EHBP1: variants seen among roughly 807,000 people sequenced by gnomAD.
EHBP1 encodes EH domain binding protein 1.
Under a neutral mutation model 144.0 loss-of-function variants are expected in EHBP1, and 55 were observed. The ratio of observed to expected loss-of-function variants is 0.38; its 90% CI spans 0.31 to 0.48. EHBP1 has a LOEUF of 0.48. Among genes scored for constraint, EHBP1 ranks in the 20% least tolerant of loss-of-function variants. The pLI, the probability that EHBP1 is intolerant of heterozygous loss-of-function variation, is 0.98. For synonymous variants in EHBP1, 469 were observed against 472.7 expected (o/e 0.99, Z 0.10); for missense variants, 1,200 against 1,364.2 (o/e 0.88, Z 1.90).
chr2:62,871,010 A>G (rs1004666360), intron 9 of EHBP1, among the ~76,000 whole-genome samples: 2 of 152,122 alleles, frequency 1.3e-5, no homozygotes, highest in South Asian at 2.1e-4. Flanking sequence ...ATTAATAACT[A>G]TATGGGGGGT....
intron 5 of EHBP1, among the ~76,000 whole-genome samples, chr2:62,776,778 C>T (rs1229089228): frequency 2.0e-5 from 3 of 151,924 alleles, no homozygotes; most frequent in African/African-American, 7.3e-5. Flanking sequence ...TACTATAAAA[C>T]ACTATGTTTC....
At chr2:62,900,848 C>G (rs1472182536) in intron 10 of EHBP1, among the ~76,000 whole-genome samples, 1 of 152,002 alleles carries the variant, frequency 6.6e-6, no homozygotes, top group East Asian at 1.9e-4. Context: ...AAACTATGCA[C>G]TGAAATATCT....
chr2:62,884,551 T>C (rs1424378830), intron 10 of EHBP1, among the ~76,000 whole-genome samples: 1 of 152,194 alleles, frequency 6.6e-6, no homozygotes, highest in African/African-American at 2.4e-5. Flanking sequence ...TCCATGCTCA[T>C]TCATTTTATA....
At chr2:62,717,673 G>A (rs1018940899) in intron 2 of EHBP1, among the ~76,000 whole-genome samples, 3 of 151,790 alleles carry the variant, frequency 2.0e-5, no homozygotes, top group South Asian at 2.1e-4. Context: ...TTATTAATCC[G>A]GGTATTGTTA....
chr2:63,016,128 AAATTTTCTACAAAGTG>A (rs750802507), intron 19 of EHBP1, among the ~76,000 whole-genome samples: 2 of 152,198 alleles, frequency 1.3e-5, no homozygotes, highest in Non-Finnish European at 2.9e-5. Context: ...TTATATCTGA[AAATTTTCTACAAAGTG>A]AATTTTTAAC....
At chr2:62,930,470 T>C (rs1052136198) in intron 10 of EHBP1, among the ~76,000 whole-genome samples, 1 of 152,160 alleles carries the variant, frequency 6.6e-6, no homozygotes, top group East Asian at 1.9e-4. Flanking sequence ...TATCTAAAGA[T>C]TTAATGCAAT....
chr2:62,857,233 A>G (rs959077738), intron 7 of EHBP1, among the ~76,000 whole-genome samples: 1 of 152,180 alleles, frequency 6.6e-6, no homozygotes, highest in Non-Finnish European at 1.5e-5. Flanking sequence ...AGAAAATGCA[A>G]TATCTGGGAA....
chr2:62,935,856 ATTATT>A (rs1430089443), intron 10 of EHBP1, among the ~76,000 whole-genome samples: 5 of 152,126 alleles, frequency 3.3e-5, no homozygotes, highest in Non-Finnish European at 5.9e-5. Flanking sequence ...ATAAATGGAC[ATTATT>A]TTATTAAGTG....
chr2:63,023,666 C>G (rs1442380933), intron 19 of EHBP1, among the ~76,000 whole-genome samples: 10 of 152,144 alleles, frequency 6.6e-5, no homozygotes, highest in Non-Finnish European at 1.3e-4. Context: ...GTGGCCAAAA[C>G]TAGGAATTGT....
chr2:62,880,067 C>T (rs528663028), intron 10 of EHBP1, among the ~76,000 whole-genome samples: 3 of 152,214 alleles, frequency 2.0e-5, no homozygotes, highest in South Asian at 2.1e-4. Flanking sequence ...CACACAACTA[C>T]GACCATCTGA....
intron 14 of EHBP1, among the ~76,000 whole-genome samples, chr2:62,964,190 G>A (rs76814034): frequency 7.2e-5 from 11 of 151,806 alleles, no homozygotes; most frequent in Admixed American, 2.6e-4. Context: ...TTGTTGTGGA[G>A]GAAAAAAAAA....
At chr2:62,782,908 C>CT (rs58651462) in intron 5 of EHBP1, among the ~76,000 whole-genome samples, 9,964 of 152,188 alleles carry the variant, frequency 0.065, 541 homozygotes, top group East Asian at 0.27. Context: ...AACCAAAAGT[C>CT]TAAGTCCAAA....
chr2:62,763,696 AC>A (rs1469154529), intron 3 of EHBP1, among the ~76,000 whole-genome samples: 1 of 152,066 alleles, frequency 6.6e-6, no homozygotes, highest in Non-Finnish European at 1.5e-5. Flanking sequence ...TCCTTAGGGA[AC>A]CTTGATAATC....
chr2:62,882,343 G>A (rs1463919647), intron 10 of EHBP1, among the ~76,000 whole-genome samples: 1 of 152,162 alleles, frequency 6.6e-6, no homozygotes, highest in Non-Finnish European at 1.5e-5. Context: ...AGAGCAGATG[G>A]TAGAAATATA....
At chr2:62,729,372 T>TAATAATAAATATCATATTTATTATA (rs1271107147) in intron 2 of EHBP1, among the ~76,000 whole-genome samples, 1 of 121,718 alleles carries the variant, frequency 8.2e-6, no homozygotes, top group Non-Finnish European at 1.6e-5. Context: ...TAATATAATA[T>TAATAATAAATATCATATTTATTATA]AATAATAAAT....
At chr2:63,037,746 C>A in intron 20 of EHBP1, 112 bp downstream of exon 20, 2 of 595,844 alleles carry the variant, frequency 3.4e-6, no homozygotes, top group Admixed American at 3.4e-5. Flanking sequence ...CTTTCCTTAG[C>A]GATTACATGT....
At chr2:62,820,737 A>ATATATAT (rs1236966050) in intron 5 of EHBP1, among the ~76,000 whole-genome samples, 4 of 54,644 alleles carry the variant, frequency 7.3e-5, no homozygotes, top group African/African-American at 2.2e-4. Flanking sequence ...GTGTGTGTAT[A>ATATATAT]ATATATATAT....
At chr2:62,827,324 T>C (rs976125379) in intron 6 of EHBP1, among the ~76,000 whole-genome samples, 1 of 152,138 alleles carries the variant, frequency 6.6e-6, no homozygotes, top group Non-Finnish European at 1.5e-5. Context: ...AATTATAGAC[T>C]TAAATACTGA....
chr2:62,984,213 T>TTC (rs562546809), intron 15 of EHBP1, among the ~76,000 whole-genome samples: 1 of 151,424 alleles, frequency 6.6e-6, no homozygotes, highest in South Asian at 2.1e-4. Context: ...AATGCAGATA[T>TTC]TCTCTCTCTC....
Sources: gnomAD v4.1 joint callset for allele counts (sites outside exome capture counted in the v4.1 genomes callset) on GRCh38, gnomAD v4.1.1 for gene constraint, MANE v1.5 for transcripts, NCBI Gene and HGNC (gene_info 2026-07-23, HGNC 2026-07-21) for gene names.